Variants in LINGO2 observed in about 807,000 individuals in gnomAD.
LINGO2 encodes the protein leucine-rich repeat and immunoglobulin-like domain-containing nogo receptor-interacting protein 2.
LINGO2 carries 14 observed loss-of-function variants against 30.6 expected under a neutral mutation model. The observed-to-expected ratio is 0.46, with a 90% CI of 0.30 to 0.72. The LOEUF is 0.72. LINGO2 is among the 30% of genes least tolerant of loss of function. The pLI is 0.07. For synonymous variants in LINGO2, 317 were observed against 288.5 expected (o/e 1.10, Z -1.00); for missense variants, 729 against 751.7 (o/e 0.97, Z 0.35).
At chr9:29,107,961 T>C in the LINGO2 span, among the ~76,000 whole-genome samples, 1 of 151,490 alleles carries the variant, frequency 6.6e-6, no homozygotes, top group Non-Finnish European at 1.5e-5. Context: ...AAAGATACAT[T>C]AGAGCTGCTT....
chr9:28,391,236 A>AT (rs1236659488), intron 2 of LINGO2, among the ~76,000 whole-genome samples: 1 of 152,248 alleles, frequency 6.6e-6, no homozygotes, highest in Non-Finnish European at 1.5e-5. Flanking sequence ...ACTGATTAAG[A>AT]TACGGAATAT....
intron 3 of LINGO2, among the ~76,000 whole-genome samples, chr9:28,364,720 A>G (rs1316458835): frequency 6.6e-6 from 1 of 152,230 alleles, no homozygotes; most frequent in Admixed American, 6.5e-5. Context: ...TTTATAATTC[A>G]ACAAGAAAAG....
At chr9:28,172,031 A>C (rs868533262) in intron 4 of LINGO2, among the ~76,000 whole-genome samples, 4 of 75,828 alleles carry the variant, frequency 5.3e-5, no homozygotes, top group African/African-American at 2.9e-4. Flanking sequence ...AAAAAAAAAA[A>C]AACAAAAAAA....
chr9:28,026,265 G>A (rs953658766), intron 4 of LINGO2, among the ~76,000 whole-genome samples: 3 of 152,042 alleles, frequency 2.0e-5, no homozygotes, highest in African/African-American at 7.2e-5. Context: ...ATACCTACTA[G>A]ACTGTAAACT....
Position 28,040,996 on chromosome 9 carries a change from T to C in LINGO2, c.-86-28591A>G, listed in dbSNP as rs377588244. ...GACAGTCACATATTGACAGTATCTA[T>C]AGCAGAGAGGACTTCATCCAACTGT... On this transcript the variant is annotated intron_variant, in intron 4 of 5. Transcript: ENST00000379992. Among the ~76,000 whole-genome samples, 34 of 152,304 alleles carry C rather than the reference T, an allele frequency of 2.2e-4. No homozygotes were observed. The East Asian group carries it at 5.4e-3, about 24-fold the overall frequency.
At chr9:28,071,988 C>T (rs1205378107) in intron 4 of LINGO2, among the ~76,000 whole-genome samples, 6 of 152,132 alleles carry the variant, frequency 3.9e-5, no homozygotes, top group Admixed American at 6.5e-5. Flanking sequence ...TACATATGAT[C>T]GTCTGGTTAG....
At chr9:29,092,621 G>T in the LINGO2 span, among the ~76,000 whole-genome samples, 5 of 89,176 alleles carry the variant, frequency 5.6e-5, no homozygotes, top group Non-Finnish European at 1.2e-4. Context: ...AAAAGTGAAG[G>T]AGTCTTTACT....
At chr9:28,452,429 A>G (rs1353733550) in intron 2 of LINGO2, among the ~76,000 whole-genome samples, 9 of 151,778 alleles carry the variant, frequency 5.9e-5, no homozygotes, top group Non-Finnish European at 1.2e-4. Context: ...TATGAAGTCT[A>G]CTCTTAAAGA....
chr9:28,956,304 G>C, the LINGO2 span, among the ~76,000 whole-genome samples: 1 of 152,090 alleles, frequency 6.6e-6, no homozygotes, highest in Non-Finnish European at 1.5e-5. Context: ...GAGAATGAAA[G>C]AGCTACCAGC....
chr9:29,209,295 A>T, the LINGO2 span, among the ~76,000 whole-genome samples: 1 of 152,156 alleles, frequency 6.6e-6, no homozygotes, highest in African/African-American at 2.4e-5. Flanking sequence ...ACAATTTAAG[A>T]GACGATAATA....
chr9:28,021,429 A>C (rs1823115557), intron 4 of LINGO2, among the ~76,000 whole-genome samples: 2 of 152,096 alleles, frequency 1.3e-5, no homozygotes, highest in African/African-American at 2.4e-5. Context: ...ATTTTGGTGA[A>C]TGCTCCACGT....
intron 1 of LINGO2, among the ~76,000 whole-genome samples, chr9:28,630,248 A>G (rs1018766239): frequency 6.6e-6 from 1 of 152,114 alleles, no homozygotes; most frequent in African/African-American, 2.4e-5. Flanking sequence ...AAGAAAAAAA[A>G]AAGTTTCAGT....
At chr9:28,176,842 G>A (rs945355815) in intron 4 of LINGO2, among the ~76,000 whole-genome samples, 1 of 152,144 alleles carries the variant, frequency 6.6e-6, no homozygotes, top group African/African-American at 2.4e-5. Context: ...CTTGGCATCA[G>A]CAGCCTGTGT....
At chr9:29,161,923 GTT>G in the LINGO2 span, among the ~76,000 whole-genome samples, 5 of 142,916 alleles carry the variant, frequency 3.5e-5, no homozygotes, top group Non-Finnish European at 3.1e-5. Flanking sequence ...CTTCAGATGT[GTT>G]TTTTTTTTTT....
the LINGO2 span, among the ~76,000 whole-genome samples, chr9:28,977,930 T>C: frequency 3.3e-5 from 5 of 152,114 alleles, no homozygotes; most frequent in African/African-American, 1.2e-4. Context: ...ACAGGATCTA[T>C]AAAAACTTGG....
chr9:28,287,729 T>C lies in LINGO2; in HGVS notation c.-87+7479A>G, dbSNP rs17781658. On this transcript the variant is annotated intron_variant, in intron 4 of 5. Coordinates refer to ENST00000379992, the Ensembl canonical transcript of LINGO2. ...AGCTGCCCCCATGTTAATTGAAGCATAAATTTCAGAAGCAGGATCTGAGGT... is the reference window on the plus strand; with the variant it reads ...AGCTGCCCCCATGTTAATTGAAGCACAAATTTCAGAAGCAGGATCTGAGGT... Among the ~76,000 whole-genome samples the C allele has an allele frequency of 0.017, 2,526 of 152,228 alleles. 148 individuals are homozygous for C. The East Asian group carries it at 0.2, about 12-fold the overall frequency.
intron 2 of LINGO2, among the ~76,000 whole-genome samples, chr9:28,440,780 C>T (rs1174451451): frequency 1.3e-5 from 2 of 151,990 alleles, no homozygotes; most frequent in Admixed American, 6.6e-5. Context: ...CTACATATGC[C>T]TCAATGATTA....
chr9:28,171,485 T>C (rs1828580351), intron 4 of LINGO2, among the ~76,000 whole-genome samples: 1 of 152,014 alleles, frequency 6.6e-6, no homozygotes, highest in African/African-American at 2.4e-5. Flanking sequence ...GGGAGAGAAG[T>C]TGTTAGCATC....
intron 4 of LINGO2, among the ~76,000 whole-genome samples, chr9:28,267,767 CTCCTGGAGGTCCCAGTTTCCT>C (rs1360181469): frequency 6.6e-6 from 1 of 152,008 alleles, no homozygotes; most frequent in Admixed American, 6.6e-5. Context: ...TGATCCCCTA[CTCCTGGAGGTCCCAGTTTCCT>C]TCCAGGGCAT....
Sources: allele counts gnomAD v4.1 joint callset (sites outside exome capture counted in the v4.1 genomes callset), GRCh38; gene constraint gnomAD v4.1.1; transcripts MANE v1.5; gene names NCBI Gene and HGNC (gene_info 2026-07-23, HGNC 2026-07-21).